SP1: variants seen among roughly 807,000 people sequenced by gnomAD.
The protein encoded by SP1 is transcription factor Sp1.
In SP1, 6 loss-of-function variants were observed where a neutral mutation model predicts 66.3. The observed-to-expected ratio is 0.09, with a 90% CI of 0.05 to 0.18. The LOEUF (loss-of-function observed/expected upper bound fraction) is 0.18, where lower values mean the gene tolerates loss of function less well. Among genes scored for constraint, SP1 ranks in the 10% least tolerant of loss-of-function variants. SP1 has a pLI of 1.00. For synonymous variants in SP1, 417 were observed against 360.8 expected, an observed-to-expected ratio of 1.16 and a Z score of -1.77; for missense variants, 848 against 964.5, an observed-to-expected ratio of 0.88 and a Z score of 1.60.
Position 53,409,514 on chromosome 12 carries a change from G to A in SP1, c.1997G>A (p.Arg666His). The A allele has an allele frequency of 6.2e-7, 1 of 1,614,150 alleles. No individual in the cohort carries two copies. The highest frequency in any genetic ancestry group is 8.5e-7 in the Non-Finnish European group (1 of 1,180,026). Residue 666 changes from arginine to histidine, a missense_variant, in exon 5 of 6, where the codon CGC (arginine) becomes CAC (histidine). Transcript: ENST00000327443. ...TGTACCTGGTCATACTGTGGGAAAC[G>A]CTTCACACGTTCGGATGAGCTACAG... ...FMCTWSYCGK[R>H]FTRSDELQRH...
intron 3 of SP1, among the ~76,000 whole-genome samples, chr12:53,384,477 GT>G (rs1166891294): frequency 6.6e-6 from 1 of 151,724 alleles, no homozygotes; most frequent in African/African-American, 2.4e-5. Flanking sequence ...TAGAGACAAG[GT>G]TTTGCTATGT....
chr12:53,382,392 G>A lies in SP1; in HGVS notation c.445G>A (p.Val149Met), dbSNP rs752278844. ...NRTVSGGQYV[V>M]AAAPNLQNQQ... is the part of the protein sequence containing the mutation. ...CACAGTCTCTGGTGGGCAGTATGTTGTGGCTGCCGCTCCCAACTTACAGAA... is the reference window on the plus strand; with the variant it reads ...CACAGTCTCTGGTGGGCAGTATGTTATGGCTGCCGCTCCCAACTTACAGAA... The change falls in exon 3 of 6, where the codon GTG becomes ATG. Residue 149 changes from valine (V) to methionine (M), a missense_variant. Val to Met is a conservative substitution (Grantham distance 21, BLOSUM62 1). Coordinates refer to ENST00000327443, the MANE Select transcript of SP1 (RefSeq NM_138473.3). The A allele has an allele frequency of 2.5e-6, 4 of 1,614,184 alleles. No individual in the cohort carries two copies. The East Asian group carries it at 8.9e-5, about 36-fold the overall frequency.
chr12:53,406,921 T>A (rs1269446167), intron 4 of SP1, among the ~76,000 whole-genome samples, 168 bp downstream of exon 4: 1 of 151,644 alleles, frequency 6.6e-6, no homozygotes, highest in East Asian at 1.9e-4. Flanking sequence ...ACCTCCTGGG[T>A]TCACGCCATT....
At chr12:53,405,427 C>T (rs1223781061) in intron 3 of SP1, among the ~76,000 whole-genome samples, 1 of 152,036 alleles carries the variant, frequency 6.6e-6, no homozygotes, top group Non-Finnish European at 1.5e-5. Flanking sequence ...CCAGCACTTT[C>T]GAAGGCCGAG....
At chr12:53,389,774 T>G (rs910524929) in intron 3 of SP1, among the ~76,000 whole-genome samples, 6 of 152,134 alleles carry the variant, frequency 3.9e-5, no homozygotes, top group Non-Finnish European at 7.3e-5. Flanking sequence ...TTGCCGCAGG[T>G]TGACGGGGAG....
At position 53,395,692 on chromosome 12, in the gene SP1, G is replaced by A. The variant is rs1592563724; in HGVS notation, c.1676-10893G>A. On this transcript the variant is annotated intron_variant, in intron 3 of 5. Coordinates refer to ENST00000327443, the MANE Select transcript of SP1 (RefSeq NM_138473.3). ...ACAGATAAGGTTGCTGCTAGGCCGG[G>A]CACAGTGGCTCATGCCTGTAATCCC... 3.9e-5 allele frequency among the ~76,000 whole-genome samples: 6 copies of A among 152,216 alleles called. No individual in the cohort carries two copies. In the South Asian group the frequency reaches 1.2e-3, roughly 32 times the overall value.
chr12:53,383,836 T>C (rs987917928), intron 3 of SP1, among the ~76,000 whole-genome samples: 3 of 152,224 alleles, frequency 2.0e-5, no homozygotes, highest in African/African-American at 7.2e-5. Context: ...GGAGCACTTC[T>C]GGGCAATATT....
intron 3 of SP1, among the ~76,000 whole-genome samples, chr12:53,389,216 C>CTTTTT (rs71443297): frequency 2.7e-4 from 29 of 106,702 alleles, no homozygotes; most frequent in Non-Finnish European, 3.8e-4. Context: ...TTAAAATGAT[C>CTTTTT]TTTTTTTTTT....
rs1403510999 is a variant in SP1, at chr12:53,409,536, A to T, written c.2019A>T (p.Leu673=). The T allele has an allele frequency of 1.9e-6, 3 of 1,614,220 alleles. No individual in the cohort carries two copies. The highest frequency in any genetic ancestry group is 3.3e-5 in the Admixed American group (2 of 60,018). ...AACGCTTCACACGTTCGGATGAGCT[A>T]CAGAGGCACAAACGTACACACACAG... ...CGKRFTRSDE[L]QRHKRTHTGE... The change falls in exon 5 of 6, where the codon CTA becomes CTT. Residue 673 remains leucine, a synonymous_variant. Transcript: ENST00000327443.
intron 3 of SP1, among the ~76,000 whole-genome samples, chr12:53,396,969 A>T (rs1288648824): frequency 1.3e-5 from 2 of 151,596 alleles, no homozygotes; most frequent in South Asian, 2.1e-4. Flanking sequence ...TCTGTAAATT[A>T]AAAAAAAATC....
At chr12:53,383,706 C>T in intron 3 of SP1, 84 bp downstream of exon 3, 1 of 1,086,866 alleles carries the variant, frequency 9.2e-7, no homozygotes, top group Non-Finnish European at 1.3e-6. Flanking sequence ...GGAATAGAGC[C>T]TTTTGAGATA....
rs753253394 is a variant in SP1, at chr12:53,382,752, G to A, written c.805G>A (p.Val269Ile). The A allele has an allele frequency of 5.6e-6, 9 of 1,614,124 alleles. No individual in the cohort carries two copies. Among genetic ancestry groups the A allele is most frequent in the Non-Finnish European group, 7.6e-6 (9 of 1,180,022 alleles). ...ALNGNITLLP[V>I]NSVSAATLTP... ...GAATGGGAACATCACCTTGCTACCTGTCAACAGCGTTTCTGCAGCTACCTT... is the reference window on the plus strand; with the variant it reads ...GAATGGGAACATCACCTTGCTACCTATCAACAGCGTTTCTGCAGCTACCTT... The change falls in exon 3 of 6, where the codon GTC (valine) becomes ATC (isoleucine). Residue 269 changes from valine to isoleucine, a missense_variant. This residue lies in a region of SP1 where 606 missense variants were observed against 589.9 expected (regional missense o/e 1.03). Coordinates refer to ENST00000327443, the MANE Select transcript of SP1 (RefSeq NM_138473.3).
chr12:53,391,348 T>G (rs1217975070), intron 3 of SP1, among the ~76,000 whole-genome samples: 1 of 83,586 alleles, frequency 1.2e-5, no homozygotes, highest in Non-Finnish European at 2.9e-5. Context: ...AGTAATGTCT[T>G]TTTTTTTTTT....
At chr12:53,380,573 C>T (rs1430881920) in intron 1 of SP1, 3 of 826,262 alleles carry the variant, frequency 3.6e-6, no homozygotes, top group South Asian at 1.2e-4. Flanking sequence ...GCCTTACCCC[C>T]CACTACTCGG....
chr12:53,410,900 C>G, intron 5 of SP1, 27 bp from the exon 6 acceptor site: 1 of 1,571,200 alleles, frequency 6.4e-7, no homozygotes, highest in East Asian at 2.2e-5. Flanking sequence ...AACATGTCAG[C>G]TTCTTATCTT....
chr12:53,382,316 G>A lies in SP1; in HGVS notation c.369G>A (p.Gln123=). The A allele has an allele frequency of 6.2e-7, 1 of 1,614,194 alleles. No homozygotes were observed. The highest frequency in any genetic ancestry group is 1.6e-4 in the Middle Eastern group (1 of 6,062). The stretch of plus-strand genomic sequence containing the variant: ...GGGCTACCCCTACCTCAAAGGAACA[G>A]AGTGGCAGCAGTACCAATGGCAGCA... The part of the protein sequence containing the change: ...SSGATPTSKE[Q]SGSSTNGSNG... The change falls in exon 3 of 6, where the codon CAG becomes CAA. Residue 123 remains glutamine (Q), a synonymous_variant. Transcript: ENST00000327443.
At chr12:53,405,513 C>CA (rs768989469) in intron 3 of SP1, among the ~76,000 whole-genome samples, 4 of 151,920 alleles carry the variant, frequency 2.6e-5, no homozygotes, top group Non-Finnish European at 4.4e-5. Flanking sequence ...CCTAAAAATA[C>CA]AAAAAAGTTA....
chr12:53,404,306 C>T (rs1035667267), intron 3 of SP1, among the ~76,000 whole-genome samples: 35 of 151,940 alleles, frequency 2.3e-4, no homozygotes, highest in Non-Finnish European at 4.1e-4. Context: ...CCAAGGCGGG[C>T]GGATCACAAG....
Position 53,382,564 on chromosome 12 carries a change from T to A in SP1, c.617T>A (p.Ile206Asn). The change falls in exon 3 of 6, where the codon ATC (isoleucine) becomes AAC (asparagine). Residue 206 changes from isoleucine to asparagine, a missense_variant. Physicochemically the swap from Ile to Asn is moderately radical, Grantham distance 149 (BLOSUM62 -3). Around this residue, in one of 7 missense-constraint regions of SP1, gnomAD observed 606 missense variants for 589.9 expected, o/e 1.03. Transcript: ENST00000327443. ...VQQDGSGQIQ[I>N]IPGANQQIIT... is the part of the protein sequence containing the mutation. ...CAGGATGGTTCTGGTCAAATACAGA[T>A]CATACCAGGTGCAAACCAACAGATT... 6.2e-7 allele frequency: 1 copy of A among 1,614,078 alleles called. No homozygotes were observed. Among genetic ancestry groups the A allele is most frequent in the Non-Finnish European group, 8.5e-7 (1 of 1,180,012 alleles).
Sources: gnomAD v4.1 joint callset for allele counts (sites outside exome capture counted in the v4.1 genomes callset) on GRCh38, gnomAD v4.1.1 for gene constraint, gnomAD v4.1.1 regional missense constraint, MANE v1.5 for transcripts, NCBI Gene and HGNC (gene_info 2026-07-23, HGNC 2026-07-21) for gene names.